The following GRM1 variants were observed in gnomAD, a reference collection of about 807,000 sequenced individuals.
GRM1 encodes the protein metabotropic glutamate receptor 1.
A neutral mutation model predicts 90.9 loss-of-function variants in GRM1; 33 were observed. The ratio of observed to expected loss-of-function variants is 0.36; its 90% confidence interval spans 0.28 to 0.49. The LOEUF (loss-of-function observed/expected upper bound fraction) is 0.49, where lower values mean the gene tolerates loss of function less well. Among genes scored for constraint, GRM1 ranks in the 20% least tolerant of loss-of-function variants. The pLI is 0.99. For synonymous variants in GRM1, 700 were observed against 613.2 expected (o/e 1.14, Z -2.09); for missense variants, 1,190 against 1,534.3 (o/e 0.78, Z 3.75).
In GRM1 at chr6:146,352,343, T is replaced by C; in HGVS notation, c.1280T>C (p.Met427Thr). The C allele has an allele frequency of 6.2e-7, 1 of 1,614,140 alleles. No individual in the cohort carries two copies. Among genetic ancestry groups the C allele is most frequent in the Non-Finnish European group, 8.5e-7 (1 of 1,179,956 alleles). ...GCCATGGCACATGGGCTGCAGAACA[T>C]GCACCATGCCCTCTGCCCTGGCCAC... is the stretch of plus-strand genomic sequence containing the variant. ...IYAMAHGLQN[M>T]HHALCPGHVG... is the part of the protein sequence containing the mutation. Residue 427 changes from methionine (M) to threonine (T), a missense_variant, in exon 4 of 8, where the codon ATG (methionine) becomes ACG (threonine). Met to Thr is a moderately conservative substitution (Grantham distance 81). Transcript: ENST00000282753.
At chr6:146,249,334 G>C (rs1398780255) in intron 2 of GRM1, among the ~76,000 whole-genome samples, 1 of 152,096 alleles carries the variant, frequency 6.6e-6, no homozygotes, top group Non-Finnish European at 1.5e-5. Context: ...GTCTAGGAGG[G>C]AAAAATGGCT....
intron 2 of GRM1, among the ~76,000 whole-genome samples, chr6:146,248,218 T>A (rs1214149071): frequency 6.6e-6 from 1 of 152,154 alleles, no homozygotes; most frequent in Admixed American, 6.5e-5. Flanking sequence ...AGCCCTATTG[T>A]GATAAGCCCT....
In GRM1 at chr6:146,435,469, G is replaced by C. The variant is rs1415929470; in HGVS notation, c.*673G>C. ...CAGTGCCAGCTTTGAGATTGCACTTGAAGAAAGGTGCATGGACCCCCTGCT... is the reference window on the plus strand; with the variant it reads ...CAGTGCCAGCTTTGAGATTGCACTTCAAGAAAGGTGCATGGACCCCCTGCT... On this transcript the variant is annotated 3_prime_UTR_variant, in exon 8 of 8. Transcript: ENST00000282753. The C allele has an allele frequency of 6.4e-6, 1 of 156,136 alleles. No homozygotes were observed. Among genetic ancestry groups the C allele is most frequent in the Non-Finnish European group, 1.4e-5 (1 of 70,360 alleles). The allele number at this position is 156,136 out of a possible 1,614,324, so 9.7% of individuals were successfully genotyped here.
intron 2 of GRM1, among the ~76,000 whole-genome samples, chr6:146,236,689 G>A (rs1780658012): frequency 1.3e-5 from 2 of 152,066 alleles, no homozygotes; most frequent in Admixed American, 6.6e-5. Flanking sequence ...CAACATCACT[G>A]GGTCATTATC....
chr6:146,095,804 A>C (rs1249105087), intron 1 of GRM1, among the ~76,000 whole-genome samples: 1 of 152,108 alleles, frequency 6.6e-6, no homozygotes, highest in Non-Finnish European at 1.5e-5. Context: ...GTGGCGTTTT[A>C]TACTCTAAGG....
At chr6:146,300,369 T>C (rs987859086) in intron 2 of GRM1, among the ~76,000 whole-genome samples, 2 of 152,188 alleles carry the variant, frequency 1.3e-5, no homozygotes, top group African/African-American at 2.4e-5. Context: ...CAAATTGTAA[T>C]TGGTGGAAGC....
At chr6:146,241,898 G>T (rs1780878595) in intron 2 of GRM1, among the ~76,000 whole-genome samples, 1 of 152,102 alleles carries the variant, frequency 6.6e-6, no homozygotes, top group East Asian at 1.9e-4. Context: ...CAGTGGTGAA[G>T]GTTTCTGACT....
At chr6:146,221,545 A>G (rs555439301) in intron 2 of GRM1, among the ~76,000 whole-genome samples, 1 of 152,266 alleles carries the variant, frequency 6.6e-6, no homozygotes, top group South Asian at 2.1e-4. Flanking sequence ...TTATGGCTGC[A>G]TAGTATTCTA....
chr6:146,133,579 C>T (rs1776490616), intron 1 of GRM1, among the ~76,000 whole-genome samples: 1 of 152,140 alleles, frequency 6.6e-6, no homozygotes, highest in Admixed American at 6.6e-5. Flanking sequence ...CCATCTTTTT[C>T]CCTCTCAGGA....
chr6:146,397,772 T>TAAGGGCTGATTATCCAAGTAAGG (rs1777019658), intron 6 of GRM1, among the ~76,000 whole-genome samples: 2 of 152,190 alleles, frequency 1.3e-5, no homozygotes, highest in African/African-American at 4.8e-5. Context: ...GGGCTGACAG[T>TAAGGGCTGATTATCCAAGTAAGG]GCTTGCTTGG....
intron 1 of GRM1, among the ~76,000 whole-genome samples, chr6:146,097,640 T>C (rs1173175613): frequency 6.6e-6 from 1 of 152,174 alleles, no homozygotes; most frequent in Non-Finnish European, 1.5e-5. Context: ...CCCCCTACAT[T>C]TTCCACAAAA....
intron 2 of GRM1, among the ~76,000 whole-genome samples, chr6:146,290,843 G>A (rs1230256792): frequency 1.3e-5 from 2 of 152,216 alleles, no homozygotes; most frequent in East Asian, 1.9e-4. Context: ...AAATGTAAAT[G>A]AGATTTTGGA....
intron 5 of GRM1, among the ~76,000 whole-genome samples, chr6:146,362,551 C>A (rs1032131961): frequency 6.7e-6 from 1 of 148,334 alleles, no homozygotes; most frequent in Non-Finnish European, 1.5e-5. Context: ...TGGTGGCAGG[C>A]GCCTGTAATC....
intron 5 of GRM1, among the ~76,000 whole-genome samples, chr6:146,382,526 A>G (rs1420534073): frequency 1.3e-5 from 2 of 152,142 alleles, no homozygotes; most frequent in Non-Finnish European, 2.9e-5. Flanking sequence ...TTATCTTGGA[A>G]GTAGTGACAT....
intron 4 of GRM1, among the ~76,000 whole-genome samples, chr6:146,353,968 A>G (rs1785496146): frequency 6.6e-6 from 1 of 152,144 alleles, no homozygotes; most frequent in Non-Finnish European, 1.5e-5. Flanking sequence ...AAGTACTGTA[A>G]GGGACTGTTT....
intron 2 of GRM1, among the ~76,000 whole-genome samples, chr6:146,174,200 C>T (rs1778250877): frequency 6.6e-6 from 1 of 151,956 alleles, no homozygotes; most frequent in Admixed American, 6.6e-5. Flanking sequence ...TAAATTTTCC[C>T]TACACAGGTA....
intron 6 of GRM1, among the ~76,000 whole-genome samples, chr6:146,392,920 T>C (rs907502781): frequency 6.6e-6 from 1 of 152,238 alleles, no homozygotes; most frequent in African/African-American, 2.4e-5. Context: ...CCACATTTTC[T>C]TTATCTAGTC....
chr6:146,362,524 A>G (rs1775521799), intron 5 of GRM1, among the ~76,000 whole-genome samples: 1 of 151,710 alleles, frequency 6.6e-6, no homozygotes, highest in Non-Finnish European at 1.5e-5. Flanking sequence ...CTAAAAATAC[A>G]AAAAGTTAGC....
intron 1 of GRM1, among the ~76,000 whole-genome samples, chr6:146,093,051 T>C (rs1776763100): frequency 6.6e-6 from 1 of 152,106 alleles, no homozygotes; most frequent in Admixed American, 6.6e-5. Flanking sequence ...TCGTCTTAGG[T>C]ATTATTCTCT....
Sources: allele counts gnomAD v4.1 joint callset (sites outside exome capture counted in the v4.1 genomes callset), GRCh38; gene constraint gnomAD v4.1.1; transcripts MANE v1.5; gene names NCBI Gene and HGNC (gene_info 2026-07-23, HGNC 2026-07-21).